The following NBPF14 variants were observed in gnomAD, a reference collection of about 807,000 sequenced individuals.
NBPF14 encodes the protein NBPF member 14.
A neutral mutation model predicts 91.2 loss-of-function variants in NBPF14; 104 were observed. The ratio of observed to expected loss-of-function variants is 1.14; its 90% CI spans 0.97 to 1.34. NBPF14 has a LOEUF of 1.34. NBPF14 is among the 40% of genes most tolerant of loss of function. The probability of loss-of-function intolerance (pLI) is 0.00; values close to 1 mark genes in which losing one functional copy is unlikely to be tolerated. For missense variants in NBPF14, 908 were observed against 783.0 expected, an observed-to-expected ratio of 1.16 and a Z score of -1.91; for synonymous variants, 294 against 303.8, an observed-to-expected ratio of 0.97 and a Z score of 0.34.
chr1:148,566,036 T>C, intron 29 of NBPF14, 107 bp downstream of exon 29: 1 of 272,036 alleles, frequency 3.7e-6, no homozygotes, highest in African/African-American at 9.6e-5. Context: ...AGGTCCTCCC[T>C]GTGGCAATGA....
At chr1:148,586,649 C>T (rs1273470187) in intron 8 of NBPF14, among the ~76,000 whole-genome samples, 180 bp from the exon 9 acceptor site, 1 of 147,762 alleles carries the variant, frequency 6.8e-6, no homozygotes, top group Non-Finnish European at 1.5e-5. Context: ...CAGGCTTCCT[C>T]TGTATCAGAG....
In NBPF14 at chr1:148,590,323, C is replaced by G. The variant is rs1352601178; in HGVS notation, c.778+434G>C. Reference sequence around the variant, plus strand: ...CCACCCGCCTCGGCCTCCCAAAGTGCTCGGATTACAGGTGTGACCCACTGC... The same window carrying G: ...CCACCCGCCTCGGCCTCCCAAAGTGGTCGGATTACAGGTGTGACCCACTGC... On this transcript the variant is annotated intron_variant, in intron 6 of 70. Transcript: ENST00000619423. Among the ~76,000 whole-genome samples, 12 of 144,158 alleles carry G rather than the reference C, an allele frequency of 8.3e-5. 1 individual carries two copies. Among genetic ancestry groups the G allele is most frequent in the Admixed American group, 8.3e-4 (12 of 14,486 alleles). 94.6% of individuals were successfully genotyped at this position (144,158 alleles called of 152,430 possible).
At chr1:148,576,973 G>GC (rs1231881440) in intron 15 of NBPF14, among the ~76,000 whole-genome samples, 6 of 144,318 alleles carry the variant, frequency 4.2e-5, no homozygotes, top group Admixed American at 2.8e-4. Flanking sequence ...CACAGGCATG[G>GC]CCTGAGACTA....
intron 3 of NBPF14, 122 bp from the exon 4 acceptor site, chr1:148,592,888 T>C (rs1662722620): frequency 4.2e-6 from 3 of 721,872 alleles, no homozygotes; most frequent in Non-Finnish European, 6.7e-6. Flanking sequence ...GGTCAGCACA[T>C]GTTGAAAGGA....
intron 10 of NBPF14, 108 bp downstream of exon 10, chr1:148,585,033 C>T: frequency 1.3e-6 from 1 of 745,134 alleles, no homozygotes; most frequent in Middle Eastern, 3.9e-4. Flanking sequence ...ATACTGTGGC[C>T]AAGCGAATGC....
intron 40 of NBPF14, among the ~76,000 whole-genome samples, 156 bp downstream of exon 40, chr1:148,557,335 A>G (rs1167666134): frequency 2.7e-5 from 3 of 110,184 alleles, no homozygotes; most frequent in African/African-American, 5.0e-5. Context: ...GGAAACCTAA[A>G]TATCTACTGC....
rs1349570864 is a variant in NBPF14 at position 148,539,284 on chromosome 1, T to C, written c.7882+126A>G. 17 of 636,978 alleles carry C rather than the reference T, an allele frequency of 2.7e-5. 1 individual carries two copies. In the East Asian group the frequency reaches 4.2e-4, roughly 16 times the overall value. The allele number at this position is 636,978 out of a possible 1,614,324, so 39.5% of individuals were successfully genotyped here. On this transcript the variant is annotated intron_variant, in intron 63 of 70. Coordinates refer to ENST00000619423, the Ensembl canonical transcript of NBPF14. ...GACTACAGTTTCTTTACAACCTATA[T>C]GCGCCCATAGGTCCTGACTGCGGCA...
chr1:148,581,465 G>T (rs61801095), intron 12 of NBPF14, among the ~76,000 whole-genome samples: 1 of 151,122 alleles, frequency 6.6e-6, no homozygotes, highest in Non-Finnish European at 1.5e-5. Context: ...CTAGTTTACA[G>T]TCCCACCAAC....
exon 37 of NBPF14, chr1:148,559,868 C>A: frequency 2.1e-6 from 3 of 1,461,606 alleles, no homozygotes; most frequent in Non-Finnish European, 2.8e-6. Context: ...TGGCATGAGT[C>A]AGTCAGTTCA....
chr1:148,559,416 C>G (rs1467046630), intron 37 of NBPF14, among the ~76,000 whole-genome samples: 2 of 134,116 alleles, frequency 1.5e-5, no homozygotes, highest in Non-Finnish European at 3.0e-5. Context: ...CCTGTCTCAT[C>G]AAATACTCAG....
At chr1:148,559,822 T>A in exon 37 of NBPF14, 1 of 1,535,992 alleles carries the variant, frequency 6.5e-7, no homozygotes, top group Non-Finnish European at 8.7e-7. Flanking sequence ...GCCAACACGC[T>A]GCTGCTCCAA....
At chr1:148,593,669 A>G (rs1488889851) in exon 3 of NBPF14, 1 of 1,545,086 alleles carries the variant, frequency 6.5e-7, no homozygotes, top group African/African-American at 1.4e-5. Flanking sequence ...TCCTCAGCAT[A>G]AATTTTATGA....
chr1:148,559,969 G>T lies in NBPF14; in HGVS notation c.4557-4C>A. ...ATGCAGCAGCTCCCTGCTGAGCCTG[G>T]AAAAGTGGAAAAAAGTAAAGAATAA... On this transcript the variant is annotated splice_region_variant and splice_polypyrimidine_tract_variant and intron_variant, in intron 36 of 70. Coordinates refer to ENST00000619423, the Ensembl canonical transcript of NBPF14. 3.0e-6 allele frequency: 4 copies of T among 1,322,602 alleles called. 1 individual carries two copies. The South Asian group carries it at 5.0e-5, about 17-fold the overall frequency. 81.9% of individuals were successfully genotyped at this position (1,322,602 alleles called of 1,614,324 possible). A position where few individuals can be genotyped will look rare whatever the true frequency, so the allele number is the denominator to read the frequency against.
intron 39 of NBPF14, 38 bp from the exon 40 acceptor site, chr1:148,557,580 A>T: frequency 1.5e-6 from 1 of 653,616 alleles, no homozygotes; most frequent in Non-Finnish European, 2.7e-6. Context: ...AAAATAAGCC[A>T]ATTCACCTAC....
At chr1:148,534,686 T>A (rs1253180100) in exon 69 of NBPF14, 2 of 807,454 alleles carry the variant, frequency 2.5e-6, no homozygotes, top group African/African-American at 1.7e-5. Context: ...GTACTCACTG[T>A]CCACGTCAAG....
chr1:148,533,785 C>T (rs1337785258), intron 70 of NBPF14, 76 bp downstream of exon 70: 2 of 764,472 alleles, frequency 2.6e-6, no homozygotes, highest in East Asian at 4.9e-5. Flanking sequence ...TGACATCAAA[C>T]ACACTCTGGT....
intron 15 of NBPF14, 150 bp downstream of exon 15, chr1:148,577,033 G>T (rs1261070168): frequency 4.8e-6 from 3 of 627,752 alleles, no homozygotes; most frequent in Non-Finnish European, 8.6e-6. Context: ...CTTCCAAGTG[G>T]AACTAGAGTT....
At chr1:148,559,604 C>A (rs1657303272) in intron 37 of NBPF14, among the ~76,000 whole-genome samples, 189 bp downstream of exon 37, 2 of 124,394 alleles carry the variant, frequency 1.6e-5, no homozygotes, top group African/African-American at 8.5e-5. Flanking sequence ...GGAAGAGAGC[C>A]TTGCTCACTG....
In NBPF14 at chr1:148,585,632, T is replaced by TCAAGCCGGCC. The variant is rs1553337028; in HGVS notation, c.1307-420_1307-419insGGCCGGCTTG. ...ACAGTCCTCTATGCATCAGAAGATT[T>TCAAGCCGGCC]CAAGCCTCCAAGTGGCTTCTGCTGT... On this transcript the variant is annotated intron_variant, in intron 9 of 70. Coordinates refer to ENST00000619423, the Ensembl canonical transcript of NBPF14. Among the ~76,000 whole-genome samples, 19 of 149,382 alleles carry TCAAGCCGGCC rather than the reference T, an allele frequency of 1.3e-4. 1 individual carries two copies. The highest frequency in any genetic ancestry group is 4.7e-4 in the African/African-American group (19 of 40,690).
Sources: allele counts gnomAD v4.1 joint callset (sites outside exome capture counted in the v4.1 genomes callset), GRCh38; gene constraint gnomAD v4.1.1; transcripts MANE v1.5; gene names NCBI Gene and HGNC (gene_info 2026-07-23, HGNC 2026-07-21).